Variants in CDH2 observed in about 807,000 individuals in gnomAD.
CDH2 encodes cadherin 2, also known as cadherin-2.
Under a neutral mutation model 92.0 loss-of-function variants are expected in CDH2, and 17 were observed. The ratio of observed to expected loss-of-function variants is 0.18; its 90% CI spans 0.13 to 0.28. The LOEUF is 0.28. Among genes scored for constraint, CDH2 ranks in the 10% least tolerant of loss-of-function variants. The pLI is 1.00. For missense variants in CDH2, 862 were observed against 1,133.1 expected (o/e 0.76, Z 3.44); for synonymous variants, 419 against 415.9 (o/e 1.01, Z -0.09).
chr18:28,016,419 A>G (rs2013247722), intron 2 of CDH2, among the ~76,000 whole-genome samples: 1 of 152,218 alleles, frequency 6.6e-6, no homozygotes, highest in Admixed American at 6.6e-5. Flanking sequence ...AGCCTACTAT[A>G]GTAACATCTA....
intron 2 of CDH2, among the ~76,000 whole-genome samples, chr18:28,094,663 G>A (rs1378042425): frequency 5.9e-5 from 9 of 151,472 alleles, no homozygotes; most frequent in Admixed American, 1.3e-4. Context: ...GTGTGGTGGC[G>A]GGCGCCTGTA....
intron 1 of CDH2, among the ~76,000 whole-genome samples, chr18:28,155,168 T>A (rs1028790107): frequency 6.6e-6 from 1 of 152,174 alleles, no homozygotes; most frequent in African/African-American, 2.4e-5. Context: ...GACTGAGAAC[T>A]CTGCAGCAAA....
chr18:27,950,569 AGTCCT>A (rs1909394112), downstream of CDH2, among the ~76,000 whole-genome samples: 1 of 152,152 alleles, frequency 6.6e-6, no homozygotes, highest in Non-Finnish European at 1.5e-5. Flanking sequence ...TTCCAGGTTC[AGTCCT>A]ATAACCCACT....
intron 2 of CDH2, among the ~76,000 whole-genome samples, chr18:28,068,566 G>A (rs2014555049): frequency 6.6e-6 from 1 of 152,140 alleles, no homozygotes; most frequent in African/African-American, 2.4e-5. Flanking sequence ...TTATAATGCA[G>A]ATATTCTGTA....
chr18:27,952,412 C>G, intron 15 of CDH2, 53 bp from the exon 16 acceptor site: 2 of 1,407,190 alleles, frequency 1.4e-6, no homozygotes, highest in Non-Finnish European at 2.0e-6. Flanking sequence ...TTACACTTTA[C>G]AAAACCACAA....
chr18:27,933,183 C>A (rs1040218998), intron 6 of CDH2, among the ~76,000 whole-genome samples: 3 of 152,126 alleles, frequency 2.0e-5, no homozygotes, highest in African/African-American at 7.2e-5. Context: ...TGGATTAACA[C>A]ATACCATTAA....
intron 1 of CDH2, among the ~76,000 whole-genome samples, chr18:28,175,762 T>A (rs1375731297): frequency 1.3e-5 from 2 of 152,156 alleles, no homozygotes; most frequent in South Asian, 2.1e-4. Flanking sequence ...CAGCTGGCAG[T>A]AGAGCACCTC....
chr18:28,002,477 C>A (rs375929100), intron 7 of CDH2, among the ~76,000 whole-genome samples: 1 of 152,192 alleles, frequency 6.6e-6, no homozygotes, highest in African/African-American at 2.4e-5. Context: ...GCAGTTACTA[C>A]TGCTTAAATC....
chr18:28,007,999 G>A (rs911816631), intron 5 of CDH2, among the ~76,000 whole-genome samples: 6 of 152,256 alleles, frequency 3.9e-5, no homozygotes, highest in African/African-American at 1.2e-4. Context: ...CTCCCAAATT[G>A]CTAGGATTCC....
chr18:28,032,059 G>T (rs1454246661), intron 2 of CDH2, among the ~76,000 whole-genome samples: 1 of 152,072 alleles, frequency 6.6e-6, no homozygotes, highest in Non-Finnish European at 1.5e-5. Context: ...TTTTGATGTT[G>T]CAGTGTAGTT....
chr18:28,051,786 C>G (rs1203375401), intron 2 of CDH2, among the ~76,000 whole-genome samples: 1 of 152,046 alleles, frequency 6.6e-6, no homozygotes, highest in Non-Finnish European at 1.5e-5. Context: ...CTAAAGTGTA[C>G]TGTTATATCT....
intron 2 of CDH2, among the ~76,000 whole-genome samples, chr18:28,055,245 G>T (rs972722315): frequency 6.6e-6 from 1 of 152,136 alleles, no homozygotes; most frequent in Non-Finnish European, 1.5e-5. Context: ...CATGAGAACA[G>T]TGTGGGGAAA....
intron 2 of CDH2, among the ~76,000 whole-genome samples, chr18:28,032,124 C>T (rs2013712430): frequency 6.6e-6 from 1 of 152,148 alleles, no homozygotes; most frequent in South Asian, 2.1e-4. Flanking sequence ...AGATCACCTA[C>T]AGTCTGAGCT....
At chr18:28,114,636 G>A (rs527663534) in intron 2 of CDH2, among the ~76,000 whole-genome samples, 1 of 152,172 alleles carries the variant, frequency 6.6e-6, no homozygotes, top group African/African-American at 2.4e-5. Context: ...AGTCAAAGGT[G>A]GTTTTTAATA....
chr18:28,103,687 T>A (rs2144238846), intron 2 of CDH2, among the ~76,000 whole-genome samples: 1 of 151,870 alleles, frequency 6.6e-6, no homozygotes, highest in Admixed American at 6.6e-5. Context: ...GTGTGTGATG[T>A]TCCCCTCCCT....
intron 2 of CDH2, among the ~76,000 whole-genome samples, chr18:28,092,085 A>G (rs2015047554): frequency 6.6e-6 from 1 of 151,914 alleles, no homozygotes; most frequent in Admixed American, 6.6e-5. Context: ...CTCTCCAAAT[A>G]CCATCACATA....
intron 1 of CDH2, among the ~76,000 whole-genome samples, chr18:28,155,295 G>A (rs1035390941): frequency 4.4e-4 from 67 of 152,034 alleles, no homozygotes; most frequent in Admixed American, 1.0e-3. Flanking sequence ...AATAGCTAAA[G>A]TACAGGTCTT....
intron 14 of CDH2, among the ~76,000 whole-genome samples, chr18:27,969,915 G>GC (rs1449690480): frequency 6.6e-6 from 1 of 152,148 alleles, no homozygotes; most frequent in Non-Finnish European, 1.5e-5. Context: ...CAGGAGAATC[G>GC]CTAGAACCTG....
At chr18:28,013,549 T>C in intron 3 of CDH2, 134 bp downstream of exon 3, 2 of 683,866 alleles carry the variant, frequency 2.9e-6, no homozygotes, top group Middle Eastern at 2.8e-4. Context: ...CAAAATATTA[T>C]TAAAATGACC....
Sources: allele counts gnomAD v4.1 joint callset (sites outside exome capture counted in the v4.1 genomes callset), GRCh38; gene constraint gnomAD v4.1.1; transcripts MANE v1.5; gene names NCBI Gene and HGNC (gene_info 2026-07-23, HGNC 2026-07-21).